Variants in MROH2B observed in about 807,000 individuals in gnomAD.
MROH2B encodes maestro heat like repeat family member 2B.
In MROH2B, 177 loss-of-function variants were observed where a neutral mutation model predicts 208.6. The observed-to-expected ratio is 0.85, with a 90% confidence interval of 0.75 to 0.96. The LOEUF is 0.96. Among genes scored for constraint, MROH2B ranks in the 40% least tolerant of loss-of-function variants. MROH2B has a pLI of 0.00. For synonymous variants in MROH2B, 728 were observed against 659.0 expected (o/e 1.10, Z -1.60); for missense variants, 2,002 against 1,878.7 (o/e 1.07, Z -1.21).
At chr5:41,045,091 C>T (rs1743075786) in intron 18 of MROH2B, among the ~76,000 whole-genome samples, 1 of 152,058 alleles carries the variant, frequency 6.6e-6, no homozygotes, top group Non-Finnish European at 1.5e-5. Context: ...TGGATGGCTA[C>T]AAGGTGGAAG....
intron 21 of MROH2B, 138 bp downstream of exon 21, chr5:41,038,598 A>C: frequency 1.4e-6 from 1 of 716,364 alleles, no homozygotes; most frequent in Non-Finnish European, 2.1e-6. Flanking sequence ...CGAGACATTT[A>C]CTGTATTAGT....
chr5:41,020,302 G>A (rs1038103117), intron 24 of MROH2B, among the ~76,000 whole-genome samples: 3 of 152,092 alleles, frequency 2.0e-5, no homozygotes, highest in Admixed American at 6.6e-5. Context: ...AATGACATAT[G>A]TGACTTGCAT....
chr5:41,004,208 G>C, intron 37 of MROH2B, 138 bp downstream of exon 37: 1 of 907,038 alleles, frequency 1.1e-6, no homozygotes, highest in Non-Finnish European at 1.7e-6. Flanking sequence ...CTTGTATAGA[G>C]ATTGTCTGCA....
chr5:41,039,007 C>T (rs779063773), intron 20 of MROH2B, 119 bp from the exon 21 acceptor site: 51 of 884,958 alleles, frequency 5.8e-5, no homozygotes, highest in Admixed American at 3.0e-4. Context: ...TGGGATGATT[C>T]GAATAAGTCT....
chr5:41,029,172 G>A (rs1742481694), intron 24 of MROH2B, among the ~76,000 whole-genome samples: 1 of 151,970 alleles, frequency 6.6e-6, no homozygotes, highest in South Asian at 2.1e-4. Flanking sequence ...ATCTTAACAG[G>A]TATGAGGTAA....
At chr5:41,054,355 A>G (rs1020846646) in intron 11 of MROH2B, among the ~76,000 whole-genome samples, 1 of 152,222 alleles carries the variant, frequency 6.6e-6, no homozygotes, top group African/African-American at 2.4e-5. Flanking sequence ...GTCTGGTTGG[A>G]AAGTAGGATG....
chr5:41,038,780 CTTGA>C lies in MROH2B; in HGVS notation c.2166_2169del (p.Asn722LysfsTer22). On this transcript the variant is annotated frameshift_variant, in exon 21 of 42. Transcript: ENST00000399564. LOFTEE classifies it high-confidence loss of function. ...AGAGACAGGACTTGGGATATGATAT[CTTGA>C]TTAAGTCTGGAGAGAAGTTGCTTCT... The C allele has an allele frequency of 6.2e-7, 1 of 1,613,472 alleles. No individual in the cohort carries two copies. Among genetic ancestry groups the C allele is most frequent in the Non-Finnish European group, 8.5e-7 (1 of 1,179,626 alleles).
At chr5:41,044,448 T>G (rs1328030815) in intron 18 of MROH2B, among the ~76,000 whole-genome samples, 1 of 152,140 alleles carries the variant, frequency 6.6e-6, no homozygotes, top group African/African-American at 2.4e-5. Context: ...CATTCTTACT[T>G]TACTCTTGTT....
In MROH2B at chr5:41,048,330, G is replaced by C. The variant is rs759556796; in HGVS notation, c.1678C>G (p.Leu560Val). Residue 560 changes from leucine to valine, a missense_variant, in exon 16 of 42, where the codon CTG (leucine) becomes GTG (valine). Physicochemically the swap from Leu to Val is conservative, Grantham distance 32. Transcript: ENST00000399564. ...TGGCCCCAATCCCTTGTACCTTCCA[G>C]AGGCTGCAGAAGCTCAGGTAAACGT... ...KTRLPELLQPLEGKNISTVLW... is the reference protein window; with the variant it reads ...KTRLPELLQPVEGKNISTVLW... The C allele has an allele frequency of 1.9e-6, 3 of 1,612,662 alleles. No homozygotes were observed. Among genetic ancestry groups the C allele is most frequent in the Admixed American group, 1.7e-5 (1 of 59,818 alleles).
At chr5:41,070,325 A>G (rs1579966997) in intron 1 of MROH2B, among the ~76,000 whole-genome samples, 1 of 152,288 alleles carries the variant, frequency 6.6e-6, no homozygotes, top group East Asian at 1.9e-4. Flanking sequence ...TTTTGAATAA[A>G]GCACTCTAGA....
At chr5:40,998,283 T>C in intron 41 of MROH2B, 125 bp from the exon 42 acceptor site, 1 of 688,208 alleles carries the variant, frequency 1.5e-6, no homozygotes, top group Non-Finnish European at 2.5e-6. Flanking sequence ...CAGGTCCTCA[T>C]GCTCACATTT....
At chr5:41,057,932 C>T in intron 7 of MROH2B, 131 bp downstream of exon 7, 1 of 787,956 alleles carries the variant, frequency 1.3e-6, no homozygotes, top group African/African-American at 1.8e-5. Flanking sequence ...ACCTCATATT[C>T]CTCAAGAGAT....
At position 41,064,468 on chromosome 5, in the gene MROH2B, C is replaced by A; in HGVS notation, c.460+4G>T. 1.2e-6 allele frequency: 2 copies of A among 1,611,442 alleles called. No homozygotes were observed. Among genetic ancestry groups the A allele is most frequent in the Non-Finnish European group, 1.7e-6 (2 of 1,178,364 alleles). ...AGCAAAAAGGAAATCATCGGGATAC[C>A]CACCAATACAGAAAGTCCCCTTCAT... On this transcript the variant is annotated splice_donor_region_variant and intron_variant, in intron 5 of 41. Coordinates refer to ENST00000399564, the MANE Select transcript of MROH2B (RefSeq NM_173489.5).
chr5:41,069,997 C>G (rs1479656562), intron 1 of MROH2B, among the ~76,000 whole-genome samples: 1 of 152,164 alleles, frequency 6.6e-6, no homozygotes, highest in Non-Finnish European at 1.5e-5. Flanking sequence ...ATAAAAGATG[C>G]CGGATTCCTA....
At position 41,061,596 on chromosome 5, in the gene MROH2B, A is replaced by G; in HGVS notation, c.589T>C (p.Trp197Arg). 6.2e-7 allele frequency: 1 copy of G among 1,613,550 alleles called. No individual in the cohort carries two copies. Among genetic ancestry groups the G allele is most frequent in the South Asian group, 1.1e-5 (1 of 90,976 alleles). Residue 197 changes from tryptophan to arginine, a missense_variant, in exon 6 of 42, where the codon TGG (tryptophan) becomes CGG (arginine). Physicochemically the swap from Trp to Arg is moderately radical, Grantham distance 101. Coordinates refer to ENST00000399564, the MANE Select transcript of MROH2B (RefSeq NM_173489.5). The stretch of plus-strand genomic sequence containing the variant: ...TGCATGGGTGAGGCCAAAGGGGCCC[A>G]CTTCTCCATTATATACCAGAACAGC... The part of the protein sequence containing the change: ...FMLFWYIMEK[W>R]APLASPMQTL...
In MROH2B at chr5:41,021,361, T is replaced by C. The variant is rs1742140927; in HGVS notation, c.2442-2343A>G. On this transcript the variant is annotated intron_variant, in intron 24 of 41. Coordinates refer to ENST00000399564, the MANE Select transcript of MROH2B (RefSeq NM_173489.5). ...TTGTAAAGATGACTAGATCTTAATATCATTAAGAATAGATGTACAGATTTA... is the reference window on the plus strand; with the variant it reads ...TTGTAAAGATGACTAGATCTTAATACCATTAAGAATAGATGTACAGATTTA... 2.0e-5 allele frequency among the ~76,000 whole-genome samples: 3 copies of C among 152,172 alleles called. No homozygotes were observed. The South Asian group carries it at 6.2e-4, about 32-fold the overall frequency.
At chr5:41,006,633 T>TAC (rs1248502439) in intron 34 of MROH2B, among the ~76,000 whole-genome samples, 2 of 152,218 alleles carry the variant, frequency 1.3e-5, no homozygotes, top group African/African-American at 4.8e-5. Flanking sequence ...GGTATATATA[T>TAC]ACCATGGAAT....
At chr5:41,024,632 A>G (rs1028807442) in intron 24 of MROH2B, among the ~76,000 whole-genome samples, 1 of 152,216 alleles carries the variant, frequency 6.6e-6, no homozygotes, top group African/African-American at 2.4e-5. Context: ...TCAATAAGAC[A>G]GAAAGTTAAC....
intron 21 of MROH2B, chr5:41,034,213 A>T: frequency 3.7e-6 from 1 of 269,998 alleles, no homozygotes; most frequent in Non-Finnish European, 5.7e-6. Flanking sequence ...ATGAGAAGCG[A>T]AAAACTATAA....
Sources: gnomAD v4.1 joint callset for allele counts (sites outside exome capture counted in the v4.1 genomes callset) on GRCh38, gnomAD v4.1.1 for gene constraint, MANE v1.5 for transcripts, NCBI Gene and HGNC (gene_info 2026-07-23, HGNC 2026-07-21) for gene names.